The following THADA variants were observed in gnomAD, a reference collection of about 807,000 sequenced individuals.
The protein encoded by THADA is tRNA (32-2'-O)-methyltransferase regulator THADA.
In THADA, 213 loss-of-function variants were observed where a neutral mutation model predicts 219.8. The observed-to-expected ratio is 0.97, with a 90% CI of 0.87 to 1.09. The LOEUF is 1.09. THADA is among the 50% of genes least tolerant of loss of function. The pLI is 0.00. For missense variants in THADA, 2,956 were observed against 2,311.3 expected (o/e 1.28, Z -5.72); for synonymous variants, 1,018 against 828.9 (o/e 1.23, Z -3.92).
In THADA at chr2:43,247,252, A is replaced by T. The variant is rs72875590; in HGVS notation, c.5297-14370T>A. ...CAGACTACACTGAAAATGGCAGCAC[A>T]TGAAAAAAATTCAAAGTAACCGACC... On this transcript the variant is annotated intron_variant, in intron 36 of 37. Transcript: ENST00000405975. 6.5e-3 allele frequency among the ~76,000 whole-genome samples: 992 copies of T among 152,302 alleles called. 16 individuals are homozygous for T. The highest frequency in any genetic ancestry group is 0.023 in the African/African-American group (942 of 41,554).
At chr2:43,282,586 T>C (rs995335948) in intron 35 of THADA, among the ~76,000 whole-genome samples, 1 of 152,130 alleles carries the variant, frequency 6.6e-6, no homozygotes, top group African/African-American at 2.4e-5. Flanking sequence ...ATTCTACTAA[T>C]AGGTGAGAAG....
At chr2:43,238,648 A>G (rs1362817017) in intron 36 of THADA, among the ~76,000 whole-genome samples, 3 of 152,216 alleles carry the variant, frequency 2.0e-5, no homozygotes, top group Non-Finnish European at 4.4e-5. Context: ...TCCACACAAA[A>G]ACTTGTACAT....
rs958014857 is a variant in THADA at position 43,541,265 on chromosome 2, C to T, written c.3158G>A (p.Cys1053Tyr). 6.2e-7 allele frequency: 1 copy of T among 1,613,042 alleles called. No homozygotes were observed. Among genetic ancestry groups the T allele is most frequent in the Non-Finnish European group, 8.5e-7 (1 of 1,179,516 alleles). Residue 1053 changes from cysteine to tyrosine, a missense_variant, in exon 21 of 38, where the codon TGT (cysteine) becomes TAT (tyrosine). Transcript: ENST00000405975. ...AGCAACTTCCTTCATACTTCTCCAA[C>T]AACATACCAGCACCATCTGCGCAGT... ...DVTAQMVLVC[C>Y]WRSMKEVALL...
rs368233667 is a variant in THADA at position 43,541,338 on chromosome 2, C to G, written c.3107-22G>C. 7.3e-4 allele frequency: 1,174 copies of G among 1,610,470 alleles called. 2 individuals are homozygous for G. The highest frequency in any genetic ancestry group is 9.4e-4 in the Non-Finnish European group (1,108 of 1,178,580). On this transcript the variant is annotated intron_variant, in intron 20 of 37. Coordinates refer to ENST00000405975, the MANE Select transcript of THADA (RefSeq NM_022065.5). ...TTACCTTAAACAAAAAAAAACACAA[C>G]GATTGCAACCTTGATTACTCATATC...
intron 29 of THADA, among the ~76,000 whole-genome samples, chr2:43,377,490 T>C (rs916427837): frequency 7.2e-5 from 11 of 152,254 alleles, no homozygotes; most frequent in South Asian, 4.1e-4. Flanking sequence ...GCCAGGGTGA[T>C]AGATGAGGTG....
intron 29 of THADA, among the ~76,000 whole-genome samples, chr2:43,392,346 T>C (rs774677600): frequency 1.3e-5 from 2 of 152,290 alleles, no homozygotes; most frequent in South Asian, 4.1e-4. Flanking sequence ...TTTCTATAAA[T>C]GTTCATTTGC....
chr2:43,283,630 T>C (rs1014322686), intron 35 of THADA, among the ~76,000 whole-genome samples: 5 of 152,176 alleles, frequency 3.3e-5, no homozygotes, highest in African/African-American at 1.2e-4. Flanking sequence ...GCCCTAGAGA[T>C]CTGTGGAACT....
intron 14 of THADA, among the ~76,000 whole-genome samples, chr2:43,569,945 T>A (rs544530750): frequency 6.6e-6 from 1 of 152,256 alleles, no homozygotes; most frequent in South Asian, 2.1e-4. Flanking sequence ...CTCACTCCAA[T>A]GTGACACAGA....
rs1268814715 is a variant in THADA, at chr2:43,571,736, G to GCA, written c.2033_2034dup (p.Arg679CysfsTer39). 25 of 1,613,188 alleles carry GCA rather than the reference G, an allele frequency of 1.5e-5. No homozygotes were observed. The highest frequency in any genetic ancestry group is 1.9e-5 in the Non-Finnish European group (23 of 1,179,524). On this transcript the variant is annotated frameshift_variant, in exon 13 of 38. Coordinates refer to ENST00000405975, the MANE Select transcript of THADA (RefSeq NM_022065.5). LOFTEE classifies it high-confidence loss of function. ...TTAAGAAGAGAACAGATCTGTTGCC[G>GCA]CACTCCTGGAGACTGGCTGTTAAGA...
chr2:43,404,608 G>C (rs933667597), intron 28 of THADA, among the ~76,000 whole-genome samples: 10 of 152,098 alleles, frequency 6.6e-5, no homozygotes, highest in Non-Finnish European at 1.5e-4. Flanking sequence ...ATAGCAGCCA[G>C]TGCATCTCAC....
At chr2:43,270,140 A>T (rs1230441080) in intron 36 of THADA, among the ~76,000 whole-genome samples, 1 of 152,106 alleles carries the variant, frequency 6.6e-6, no homozygotes, top group Non-Finnish European at 1.5e-5. Context: ...GGCTTGGGGG[A>T]CAGTAGAGAG....
intron 26 of THADA, among the ~76,000 whole-genome samples, chr2:43,479,911 T>C (rs1685984039): frequency 1.3e-5 from 2 of 152,218 alleles, no homozygotes; most frequent in Admixed American, 6.5e-5. Context: ...AAAATTCTCC[T>C]CTGGTTTACT....
At chr2:43,240,536 C>G (rs114050781) in intron 36 of THADA, among the ~76,000 whole-genome samples, 2 of 152,182 alleles carry the variant, frequency 1.3e-5, no homozygotes, top group East Asian at 1.9e-4. Flanking sequence ...CCCTCTACTC[C>G]GAGACTAGCC....
At chr2:43,403,568 A>G (rs888244234) in intron 28 of THADA, among the ~76,000 whole-genome samples, 11 of 152,142 alleles carry the variant, frequency 7.2e-5, no homozygotes, top group Middle Eastern at 3.2e-3. Context: ...TTCAGGATCC[A>G]GCCAATATCC....
chr2:43,247,121 C>T (rs1414039586), intron 36 of THADA, among the ~76,000 whole-genome samples: 1 of 152,190 alleles, frequency 6.6e-6, no homozygotes, highest in East Asian at 1.9e-4. Flanking sequence ...CAGAAAACTT[C>T]CCTTCCTTTA....
intron 36 of THADA, among the ~76,000 whole-genome samples, chr2:43,246,519 C>CAAAA (rs1159607547): frequency 6.7e-5 from 10 of 149,460 alleles, no homozygotes; most frequent in African/African-American, 2.5e-4. Context: ...AACAAACAAA[C>CAAAA]AAAAAAAAAC....
chr2:43,265,352 G>A (rs1671399994), intron 36 of THADA, among the ~76,000 whole-genome samples: 1 of 152,186 alleles, frequency 6.6e-6, no homozygotes, highest in African/African-American at 2.4e-5. Flanking sequence ...AATAAAAACA[G>A]GACTCACAAT....
At chr2:43,345,551 C>T (rs1055679270) in intron 29 of THADA, among the ~76,000 whole-genome samples, 2 of 152,170 alleles carry the variant, frequency 1.3e-5, no homozygotes, top group African/African-American at 2.4e-5. Context: ...ACCACACCCC[C>T]GCAGGGACCC....
At chr2:43,277,498 G>A (rs571207840) in intron 36 of THADA, among the ~76,000 whole-genome samples, 4 of 152,244 alleles carry the variant, frequency 2.6e-5, no homozygotes, top group Admixed American at 1.3e-4. Context: ...CCTTTCCAGA[G>A]AGACCCCACA....
Sources: allele counts gnomAD v4.1 joint callset (sites outside exome capture counted in the v4.1 genomes callset), GRCh38; gene constraint gnomAD v4.1.1; transcripts MANE v1.5; gene names NCBI Gene and HGNC (gene_info 2026-07-23, HGNC 2026-07-21).